Variants in RHEB observed in about 807,000 individuals in gnomAD.
RHEB encodes GTP-binding protein Rheb.
Under a neutral mutation model 28.8 loss-of-function variants are expected in RHEB, and 2 were observed. That is an observed-to-expected ratio of 0.07 (90% CI 0.03 to 0.22). The LOEUF is 0.22. Ranked by LOEUF, RHEB falls within the 10% of genes least tolerant of loss-of-function variation. The pLI is 1.00. For missense variants in RHEB, 76 were observed against 219.9 expected, an observed-to-expected ratio of 0.35 and a Z score of 4.14; for synonymous variants, 69 against 77.3, an observed-to-expected ratio of 0.89 and a Z score of 0.56.
chr7:151,491,844 T>C (rs1438834147), intron 1 of RHEB, among the ~76,000 whole-genome samples: 1 of 152,202 alleles, frequency 6.6e-6, no homozygotes, highest in Non-Finnish European at 1.5e-5. Context: ...CCTAGCAGTA[T>C]CTAGAAATTA....
chr7:151,491,474 G>A (rs757636290), intron 1 of RHEB, among the ~76,000 whole-genome samples: 2 of 152,164 alleles, frequency 1.3e-5, no homozygotes, highest in Non-Finnish European at 2.9e-5. Flanking sequence ...CATGGCTCAC[G>A]CCTGTAATCC....
At position 151,481,201 on chromosome 7, in the gene RHEB, T is replaced by C. The variant is rs945733381; in HGVS notation, c.192+3536A>G. On this transcript the variant is annotated intron_variant, in intron 3 of 7. Transcript: ENST00000262187. ...TAGGGTATATGTTCTCACCCTAAAA[T>C]TGGGCAAAACCAAAATATTTCATGC... is the stretch of plus-strand genomic sequence containing the variant. Among the ~76,000 whole-genome samples the C allele has an allele frequency of 3.3e-5, 5 of 152,082 alleles. No homozygotes were observed. In the East Asian group the frequency reaches 9.6e-4, roughly 29 times the overall value.
At chr7:151,512,230 G>A (rs1803004647) in intron 1 of RHEB, among the ~76,000 whole-genome samples, 1 of 152,194 alleles carries the variant, frequency 6.6e-6, no homozygotes, top group Non-Finnish European at 1.5e-5. Context: ...CACTATTACA[G>A]TTGTTTGCGA....
At chr7:151,505,376 C>G (rs1322440673) in intron 1 of RHEB, among the ~76,000 whole-genome samples, 1 of 152,214 alleles carries the variant, frequency 6.6e-6, no homozygotes, top group Non-Finnish European at 1.5e-5. Context: ...CTTCACAAAC[C>G]AAGATATCCA....
In RHEB at chr7:151,479,543, C is replaced by T. The variant is rs537348613; in HGVS notation, c.193-2128G>A. On this transcript the variant is annotated intron_variant, in intron 3 of 7. Coordinates refer to ENST00000262187, the MANE Select transcript of RHEB (RefSeq NM_005614.4). ...TCAAAATACAAAAAAACTAGCTGGGCGTGGTGGCGGGCGCCTGTAGTCCCA... is the reference window on the plus strand; with the variant it reads ...TCAAAATACAAAAAAACTAGCTGGGTGTGGTGGCGGGCGCCTGTAGTCCCA... Among the ~76,000 whole-genome samples, 258 of 151,964 alleles carry T rather than the reference C, an allele frequency of 1.7e-3. 1 individual carries two copies. Among genetic ancestry groups the T allele is most frequent in the Admixed American group, 0.01 (156 of 15,260 alleles).
chr7:151,517,297 C>A (rs1330861684), intron 1 of RHEB, among the ~76,000 whole-genome samples: 3 of 145,326 alleles, frequency 2.1e-5, no homozygotes, highest in African/African-American at 7.7e-5. Flanking sequence ...GAGTCCGGGG[C>A]GTGGAGGATG....
chr7:151,480,317 T>TG (rs532301828), intron 3 of RHEB, among the ~76,000 whole-genome samples: 28 of 152,046 alleles, frequency 1.8e-4, no homozygotes, highest in Non-Finnish European at 3.4e-4. Context: ...TACGCAGCCT[T>TG]GGGGGAAAAG....
At chr7:151,475,682 C>T (rs1802258598) in intron 4 of RHEB, among the ~76,000 whole-genome samples, 1 of 152,018 alleles carries the variant, frequency 6.6e-6, no homozygotes. Flanking sequence ...TGGTTTTAAG[C>T]ATAAAATCCA....
In RHEB at chr7:151,503,656, G is replaced by A. The variant is rs112591995; in HGVS notation, c.53-12642C>T. Among the ~76,000 whole-genome samples, 750 of 152,118 alleles carry A rather than the reference G, an allele frequency of 4.9e-3. 10 individuals are homozygous for A. Among genetic ancestry groups the A allele is most frequent in the African/African-American group, 0.017 (713 of 41,462 alleles). On this transcript the variant is annotated intron_variant, in intron 1 of 7. Coordinates refer to ENST00000262187, the MANE Select transcript of RHEB (RefSeq NM_005614.4). ...CACTTTGTTTTGTCATGGTGTCAGCGCAGCAGCCTACAACTAAGTTCCTAA... is the reference window on the plus strand; with the variant it reads ...CACTTTGTTTTGTCATGGTGTCAGCACAGCAGCCTACAACTAAGTTCCTAA...
intron 1 of RHEB, chr7:151,503,200 C>G (rs747584148): frequency 1.3e-6 from 1 of 783,182 alleles, no homozygotes. Flanking sequence ...AACTCCAAAG[C>G]AAGAAAAGGA....
At chr7:151,511,664 CTT>C (rs201464253) in intron 1 of RHEB, among the ~76,000 whole-genome samples, 4 of 142,752 alleles carry the variant, frequency 2.8e-5, no homozygotes, top group African/African-American at 2.6e-5. Flanking sequence ...TGTTAGATTT[CTT>C]TTTTTTTTTT....
intron 1 of RHEB, among the ~76,000 whole-genome samples, chr7:151,517,615 G>A (rs1175527648): frequency 6.6e-6 from 1 of 150,400 alleles, no homozygotes; most frequent in East Asian, 1.9e-4. Context: ...TCACATCTCC[G>A]TCCTCAGGAG....
At chr7:151,506,498 G>A (rs1802882616) in intron 1 of RHEB, among the ~76,000 whole-genome samples, 1 of 152,096 alleles carries the variant, frequency 6.6e-6, no homozygotes, top group Non-Finnish European at 1.5e-5. Context: ...AAATGAAAAT[G>A]TATACCAAAC....
intron 4 of RHEB, among the ~76,000 whole-genome samples, chr7:151,474,742 G>A (rs1363898937): frequency 6.6e-6 from 1 of 152,118 alleles, no homozygotes; most frequent in East Asian, 1.9e-4. Flanking sequence ...ATGATATAAA[G>A]GAATAATGTG....
At chr7:151,498,194 G>C in intron 1 of RHEB, 1 of 1,276,488 alleles carries the variant, frequency 7.8e-7, no homozygotes, top group Non-Finnish European at 1.0e-6. Flanking sequence ...CAAGGAAAAG[G>C]TCAGGTAAAT....
rs1802112549 is a variant in RHEB, at chr7:151,468,943, C to A, written c.462+1628G>T. 2.6e-5 allele frequency among the ~76,000 whole-genome samples: 4 copies of A among 152,230 alleles called. No individual in the cohort carries two copies. In the South Asian group the frequency reaches 8.3e-4, roughly 32 times the overall value. ...TGATCTTAGAAAAGTCATTTAACTTCTCTGAAACTTAATTTCCTCACTTCT... is the reference window on the plus strand; with the variant it reads ...TGATCTTAGAAAAGTCATTTAACTTATCTGAAACTTAATTTCCTCACTTCT... On this transcript the variant is annotated intron_variant, in intron 7 of 7. Coordinates refer to ENST00000262187, the MANE Select transcript of RHEB (RefSeq NM_005614.4). The surrounding 1 kb of genome is among the most constrained non-coding windows in gnomAD (Gnocchi z 4.3).
chr7:151,502,141 C>G, intron 1 of RHEB: 1 of 417,600 alleles, frequency 2.4e-6, no homozygotes, highest in Non-Finnish European at 4.3e-6. Flanking sequence ...GAGGCTGAGG[C>G]AGAAGAATCT....
intron 7 of RHEB, 43 bp downstream of exon 7, chr7:151,470,528 T>G: frequency 7.4e-7 from 1 of 1,350,438 alleles, no homozygotes; most frequent in South Asian, 1.2e-5. Context: ...TCCCTGCGAC[T>G]GATGAGAACG....
chr7:151,467,355 G>A, intron 7 of RHEB, 144 bp from the exon 8 acceptor site: 2 of 636,484 alleles, frequency 3.1e-6, no homozygotes, highest in South Asian at 3.7e-5. Context: ...GAACTTCAGG[G>A]CCCCCCGACG....
Sources: gnomAD v4.1 joint callset for allele counts (sites outside exome capture counted in the v4.1 genomes callset) on GRCh38, gnomAD v4.1.1 for gene constraint, Gnocchi (gnomAD v3.1) non-coding constraint, MANE v1.5 for transcripts, NCBI Gene and HGNC (gene_info 2026-07-23, HGNC 2026-07-21) for gene names.